RIPOR1: variants seen among roughly 807,000 people sequenced by gnomAD.
The protein encoded by RIPOR1 is RHO family interacting cell polarization regulator 1, also known as rho family-interacting cell polarization regulator 1.
RIPOR1 carries 58 observed loss-of-function variants against 116.5 expected under a neutral mutation model. That is an observed-to-expected ratio of 0.50 (90% CI 0.40 to 0.62). RIPOR1 has a LOEUF of 0.62. Ranked by LOEUF, RIPOR1 falls within the 20% of genes least tolerant of loss-of-function variation. The pLI is 0.00. For missense variants in RIPOR1, 1,372 were observed against 1,586.2 expected, an observed-to-expected ratio of 0.86 and a Z score of 2.29; for synonymous variants, 605 against 650.0, an observed-to-expected ratio of 0.93 and a Z score of 1.05.
chr16:67,522,191 ATTTTTTTTTTTTTT>A (rs34835336), intron 1 of RIPOR1, among the ~76,000 whole-genome samples: 1 of 71,326 alleles, frequency 1.4e-5, no homozygotes, highest in African/African-American at 5.7e-5. Flanking sequence ...CCACGCCCAG[ATTTTTTTTTTTTTT>A]TTTTTTTTTT....
At position 67,540,546 on chromosome 16, in the gene RIPOR1, ACCTAGGCTG is replaced by A. The variant is rs746317359; in HGVS notation, c.676-29_676-21del. 3.7e-6 allele frequency: 6 copies of A among 1,614,032 alleles called. No individual in the cohort carries two copies. The Admixed American group carries it at 5.0e-5, about 13-fold the overall frequency. On this transcript the variant is annotated intron_variant, in intron 9 of 21. Transcript: ENST00000042381. This position sits in a 1 kb window ranked among gnomAD's most constrained non-coding sequence, Gnocchi z 4.7. Reference sequence around the variant, plus strand: ...AGGGCTGGGTCGGTAGGGTCCCAACACCTAGGCTGCCTCATCCTACCTGTTCCCCCAGAT... The same window carrying A: ...AGGGCTGGGTCGGTAGGGTCCCAACACCTCATCCTACCTGTTCCCCCAGAT...
intron 4 of RIPOR1, 65 bp from the exon 5 acceptor site, chr16:67,539,663 G>C (rs1035018355): frequency 1.1e-5 from 18 of 1,590,570 alleles, no homozygotes; most frequent in Middle Eastern, 1.7e-4. Flanking sequence ...TGACGAGTCT[G>C]AGTGCCTCTG....
Position 67,544,165 on chromosome 16 carries a change from G to T in RIPOR1, c.2601-134G>T. On this transcript the variant is annotated intron_variant, in intron 14 of 21. Transcript: ENST00000042381. This position sits in a 1 kb window ranked among gnomAD's most constrained non-coding sequence, Gnocchi z 5.1. The stretch of plus-strand genomic sequence containing the variant: ...CTTCCTCCTTCTGGAAATCCTCCAT[G>T]AACTTACCCCACTGTCTGCTGTCGG... 8.4e-7 allele frequency: 1 copy of T among 1,191,002 alleles called. No homozygotes were observed. Among genetic ancestry groups the T allele is most frequent in the South Asian group, 1.6e-5 (1 of 62,452 alleles). 73.8% of individuals were successfully genotyped at this position (1,191,002 alleles called of 1,614,324 possible). A position where few individuals can be genotyped will look rare whatever the true frequency, so the allele number is the denominator to read the frequency against.
chr16:67,543,001 A>G lies in RIPOR1; in HGVS notation c.2215A>G (p.Ser739Gly), dbSNP rs951441899. 11 of 1,565,884 alleles carry G rather than the reference A, an allele frequency of 7.0e-6. No homozygotes were observed. In the Admixed American group the frequency reaches 2.0e-4, roughly 29 times the overall value. ...CCATTCCAGTAGGAAACCCCTCACA[A>G]GCCCTGCCCCAGATCCCTCAGAGTC... ...PAHSSRKPLTSPAPDPSESTV... is the reference protein window; with the variant it reads ...PAHSSRKPLTGPAPDPSESTV... The change falls in exon 13 of 22, where the codon AGC (serine) becomes GGC (glycine). Residue 739 changes from serine to glycine, a missense_variant. By Grantham distance (56) the Ser-to-Gly change is moderately conservative. Around this residue, in one of 3 missense-constraint regions of RIPOR1, gnomAD observed 1,005 missense variants for 1,144.7 expected, o/e 0.88. Transcript: ENST00000042381. The surrounding 1 kb of genome is among the most constrained non-coding windows in gnomAD (Gnocchi z 4.7).
chr16:67,525,325 T>C (rs2050530387), upstream of RIPOR1, among the ~76,000 whole-genome samples: 1 of 152,138 alleles, frequency 6.6e-6, no homozygotes, highest in Non-Finnish European at 1.5e-5. Context: ...ACTAGGGAGA[T>C]CTCACCTCTG....
chr16:67,543,879 C>T lies in RIPOR1; in HGVS notation c.2600+410C>T, dbSNP rs1441175219. 1 of 355,258 alleles carries T rather than the reference C, an allele frequency of 2.8e-6. No homozygotes were observed. Among genetic ancestry groups the T allele is most frequent in the Non-Finnish European group, 5.3e-6 (1 of 190,166 alleles). 22.0% of individuals were successfully genotyped at this position (355,258 alleles called of 1,614,324 possible). On this transcript the variant is annotated intron_variant, in intron 14 of 21. Coordinates refer to ENST00000042381, the MANE Select transcript of RIPOR1 (RefSeq NM_024519.4). This position sits in a 1 kb window ranked among gnomAD's most constrained non-coding sequence, Gnocchi z 4.7. ...GCCCCACTCCTTCTCAACCCCGACTCTCCCAGAGGCCCTGGCCCCTCAACT... is the reference window on the plus strand; with the variant it reads ...GCCCCACTCCTTCTCAACCCCGACTTTCCCAGAGGCCCTGGCCCCTCAACT...
chr16:67,537,594 A>G lies in RIPOR1; in HGVS notation c.-23-830A>G. On this transcript the variant is annotated intron_variant, in intron 1 of 21. Transcript: ENST00000042381. This position sits in a 1 kb window ranked among gnomAD's most constrained non-coding sequence, Gnocchi z 4.6. ...CGGACCCACCATGAACACCAAGAAG[A>G]GAGGTAGGACCCAGCTCGGGGCTGC... The G allele has an allele frequency of 7.0e-7, 1 of 1,419,478 alleles. No homozygotes were observed. The highest frequency in any genetic ancestry group is 9.2e-7 in the Non-Finnish European group (1 of 1,085,880). The allele number at this position is 1,419,478 out of a possible 1,614,324, so 87.9% of individuals were successfully genotyped here. A position where few individuals can be genotyped will look rare whatever the true frequency, so the allele number is the denominator to read the frequency against.
Position 67,544,942 on chromosome 16 carries a change from T to C in RIPOR1, c.2870-14T>C, listed in dbSNP as rs1314573139. ...GCCTGCCTGTTGCTGACGGTTTCCC[T>C]CACCCCCTCACAGTGGTGCAGTTCT... On this transcript the variant is annotated splice_polypyrimidine_tract_variant and intron_variant, in intron 16 of 21. Coordinates refer to ENST00000042381, the MANE Select transcript of RIPOR1 (RefSeq NM_024519.4). This position sits in a 1 kb window ranked among gnomAD's most constrained non-coding sequence, Gnocchi z 5.1. The C allele has an allele frequency of 1.9e-6, 3 of 1,610,196 alleles. No homozygotes were observed. The African/African-American group carries it at 4.0e-5, about 21-fold the overall frequency.
Position 67,536,396 on chromosome 16 carries a change from C to T in RIPOR1, c.-23-2028C>T, listed in dbSNP as rs142432809. 4.5e-3 allele frequency among the ~76,000 whole-genome samples: 678 copies of T among 152,030 alleles called. 3 individuals carry two copies. The highest frequency in any genetic ancestry group is 0.016 in the African/African-American group (663 of 41,462). On this transcript the variant is annotated intron_variant, in intron 1 of 21. Coordinates refer to ENST00000042381, the MANE Select transcript of RIPOR1 (RefSeq NM_024519.4). ...CTGAGAGGCAGAGGTTGCAGTGAGCCAAGATCGTGCCACTGCACTACAGCT... is the reference window on the plus strand; with the variant it reads ...CTGAGAGGCAGAGGTTGCAGTGAGCTAAGATCGTGCCACTGCACTACAGCT...
chr16:67,538,958 G>A (rs1374585325), intron 3 of RIPOR1, 32 bp from the exon 4 acceptor site: 1 of 1,613,236 alleles, frequency 6.2e-7, no homozygotes, highest in East Asian at 2.2e-5. Context: ...CTGGAGAGCC[G>A]AGTTCATTCT....
chr16:67,532,057 A>G (rs79494780), intron 1 of RIPOR1, among the ~76,000 whole-genome samples: 1 of 147,700 alleles, frequency 6.8e-6, no homozygotes, highest in East Asian at 2.0e-4. Flanking sequence ...ACGCCCAGCT[A>G]ATTTTTTTTT....
intron 1 of RIPOR1, among the ~76,000 whole-genome samples, chr16:67,534,072 G>T (rs1038117590): frequency 6.8e-6 from 1 of 147,920 alleles, no homozygotes; most frequent in African/African-American, 2.5e-5. Context: ...CACCTGCCTC[G>T]GCCTCCCAAA....
upstream of RIPOR1, among the ~76,000 whole-genome samples, chr16:67,526,512 A>G (rs2050541296): frequency 1.3e-5 from 2 of 152,230 alleles, no homozygotes; most frequent in African/African-American, 4.8e-5. Context: ...CTGGGCAGCT[A>G]AAGGAAGGTG....
intron 1 of RIPOR1, among the ~76,000 whole-genome samples, chr16:67,535,169 C>CT (rs1213893356): frequency 6.6e-6 from 1 of 152,156 alleles, no homozygotes. Context: ...GTGGGAGTGA[C>CT]TTGAGCTTGT....
In RIPOR1 at chr16:67,530,173, C is replaced by A. The variant is rs1259246617; in HGVS notation, c.-24+1259C>A. On this transcript the variant is annotated intron_variant, in intron 1 of 21. Coordinates refer to ENST00000042381, the MANE Select transcript of RIPOR1 (RefSeq NM_024519.4). This position sits in a 1 kb window ranked among gnomAD's most constrained non-coding sequence, Gnocchi z 4.5. ...CTGGGTCCCGCTTGAGAGAAGCGGG[C>A]GGGGAGGGCGCGGGTGAGTCACGGC... 8.2e-6 allele frequency: 3 copies of A among 363,908 alleles called. No homozygotes were observed. Among genetic ancestry groups the A allele is most frequent in the South Asian group, 8.0e-5 (2 of 24,884 alleles). The allele number at this position is 363,908 out of a possible 1,614,324, so 22.5% of individuals were successfully genotyped here. A position where few individuals can be genotyped will look rare whatever the true frequency, so the allele number is the denominator to read the frequency against.
At position 67,541,401 on chromosome 16, in the gene RIPOR1, G is replaced by T; in HGVS notation, c.802-29G>T. On this transcript the variant is annotated intron_variant, in intron 10 of 21. Coordinates refer to ENST00000042381, the MANE Select transcript of RIPOR1 (RefSeq NM_024519.4). This position sits in a 1 kb window ranked among gnomAD's most constrained non-coding sequence, Gnocchi z 4.6. ...ATGATCTCATAGCCCCTGCACCCTT[G>T]TGACCCTACCATGCACTCTTGGCTA... 6.2e-7 allele frequency: 1 copy of T among 1,606,710 alleles called. No individual in the cohort carries two copies. The highest frequency in any genetic ancestry group is 8.5e-7 in the Non-Finnish European group (1 of 1,175,618).
chr16:67,538,226 G>C, intron 1 of RIPOR1, 198 bp from the exon 2 acceptor site: 1 of 526,170 alleles, frequency 1.9e-6, no homozygotes, highest in East Asian at 3.5e-5. Flanking sequence ...CCGAGGCCAC[G>C]CTGAGTCCGA....
chr16:67,534,432 T>C (rs1438422768), intron 1 of RIPOR1, among the ~76,000 whole-genome samples: 1 of 152,246 alleles, frequency 6.6e-6, no homozygotes, highest in Non-Finnish European at 1.5e-5. Flanking sequence ...ATTTTGTAAT[T>C]ATTTACAACC....
chr16:67,532,785 G>A (rs143569756), intron 1 of RIPOR1, among the ~76,000 whole-genome samples: 5 of 152,358 alleles, frequency 3.3e-5, no homozygotes, highest in Non-Finnish European at 7.3e-5. Context: ...TGTTTGCTAA[G>A]CTCAATGCCT....
Sources: allele counts gnomAD v4.1 joint callset (sites outside exome capture counted in the v4.1 genomes callset), GRCh38; gene constraint gnomAD v4.1.1; regional missense constraint gnomAD v4.1.1; non-coding constraint Gnocchi (gnomAD v3.1); transcripts MANE v1.5; gene names NCBI Gene and HGNC (gene_info 2026-07-23, HGNC 2026-07-21).